TPTE: variants seen among roughly 807,000 people sequenced by gnomAD.
The protein encoded by TPTE is transmembrane phosphatase with tensin homology.
TPTE carries 59 observed loss-of-function variants against 84.1 expected under a neutral mutation model. The ratio of observed to expected loss-of-function variants is 0.70; its 90% CI spans 0.57 to 0.87. The LOEUF (loss-of-function observed/expected upper bound fraction) is 0.87, where lower values mean the gene tolerates loss of function less well. TPTE is among the 40% of genes least tolerant of loss of function. TPTE has a pLI of 0.00. For missense variants in TPTE, 382 were observed against 659.6 expected (o/e 0.58, Z 4.61); for synonymous variants, 130 against 223.5 (o/e 0.58, Z 3.73).
At chr21:10,561,936 C>T (rs543531552) in intron 10 of TPTE, among the ~76,000 whole-genome samples, 8 of 152,430 alleles carry the variant, frequency 5.2e-5, no homozygotes, top group South Asian at 2.1e-4. Context: ...GGCAAGACCC[C>T]GTGCTGTGCT....
intron 17 of TPTE, among the ~76,000 whole-genome samples, chr21:10,586,022 AC>A (rs2075357502): frequency 6.6e-6 from 1 of 152,414 alleles, no homozygotes; most frequent in South Asian, 2.1e-4. Flanking sequence ...TTTTAAAAGA[AC>A]CAAGTTTTTG....
intron 8 of TPTE, among the ~76,000 whole-genome samples, chr21:10,556,438 A>G (rs1221315589): frequency 1.1e-4 from 17 of 152,300 alleles, no homozygotes; most frequent in Admixed American, 2.0e-4. Flanking sequence ...CATCCAGTCT[A>G]TCATTGTTGG....
At chr21:10,570,424 T>C (rs1201405667) in intron 13 of TPTE, 61 bp from the exon 14 acceptor site, 2 of 1,611,404 alleles carry the variant, frequency 1.2e-6, no homozygotes, top group East Asian at 4.5e-5. Flanking sequence ...TAAATTAATT[T>C]TTTTGTATGT....
chr21:10,553,187 C>T (rs1440163354), intron 8 of TPTE, among the ~76,000 whole-genome samples: 1 of 152,306 alleles, frequency 6.6e-6, no homozygotes, highest in Non-Finnish European at 1.5e-5. Context: ...TTTCTAATCT[C>T]ACTAGAGTAC....
intron 11 of TPTE, among the ~76,000 whole-genome samples, chr21:10,568,567 C>A (rs1372736662): frequency 6.6e-6 from 1 of 152,306 alleles, no homozygotes; most frequent in Non-Finnish European, 1.5e-5. Context: ...TAGCTGATTT[C>A]TTTTTGTACC....
intron 21 of TPTE, among the ~76,000 whole-genome samples, chr21:10,600,402 G>A (rs1600989320): frequency 6.6e-6 from 1 of 152,426 alleles, no homozygotes; most frequent in East Asian, 1.9e-4. Context: ...ACCTACCAAA[G>A]TGCTAGGATT....
chr21:10,561,606 C>A (rs1271094268), intron 10 of TPTE, among the ~76,000 whole-genome samples: 1 of 152,312 alleles, frequency 6.6e-6, no homozygotes, highest in Non-Finnish European at 1.5e-5. Context: ...AGTACCCCCC[C>A]CATGTCCTGT....
chr21:10,603,587 G>T lies in TPTE; in HGVS notation c.1475G>T (p.Cys492Phe), dbSNP rs771832897. The T allele has an allele frequency of 6.2e-7, 1 of 1,612,370 alleles. No homozygotes were observed. Among genetic ancestry groups the T allele is most frequent in the Admixed American group, 1.7e-5 (1 of 59,970 alleles). Residue 492 changes from cysteine (C) to phenylalanine (F), a missense_variant, in exon 23 of 24, where the codon TGC (cysteine) becomes TTC (phenylalanine). By Grantham distance (205) the Cys-to-Phe change is radical. Around this residue, in one of 10 missense-constraint regions of TPTE, gnomAD observed 120 missense variants for 79.1 expected, o/e 1.52. Coordinates refer to ENST00000618007, the MANE Select transcript of TPTE (RefSeq NM_199261.4). ...AATCTTCCTACATACTATGACAATTGCTCATTTTACTTCTGGTTGCACACA... is the reference window on the plus strand; with the variant it reads ...AATCTTCCTACATACTATGACAATTTCTCATTTTACTTCTGGTTGCACACA... ...YSNLPTYYDN[C>F]SFYFWLHTSF...
intron 10 of TPTE, 72 bp downstream of exon 10, chr21:10,561,263 G>A: frequency 2.5e-6 from 4 of 1,583,024 alleles, no homozygotes; most frequent in Admixed American, 1.7e-5. Flanking sequence ...GGAGGCTGAG[G>A]TGGGAGGATC....
chr21:10,568,034 AAAG>A (rs1327895105), intron 11 of TPTE, among the ~76,000 whole-genome samples: 12 of 152,400 alleles, frequency 7.9e-5, no homozygotes, highest in Non-Finnish European at 2.9e-5. Context: ...GCAGTACCCC[AAAG>A]AAGGACTTTT....
intron 14 of TPTE, among the ~76,000 whole-genome samples, chr21:10,574,026 GT>G (rs2075099929): frequency 6.6e-6 from 1 of 151,768 alleles, no homozygotes; most frequent in African/African-American, 2.4e-5. Flanking sequence ...AATTGTGGCC[GT>G]TTTTGATAGT....
At chr21:10,560,702 C>G (rs2074781815) in intron 9 of TPTE, among the ~76,000 whole-genome samples, 1 of 152,306 alleles carries the variant, frequency 6.6e-6, no homozygotes, top group Non-Finnish European at 1.5e-5. Context: ...ATGAAATTCG[C>G]AAATTTTAAG....
chr21:10,598,084 G>T lies in TPTE; in HGVS notation c.1346G>T (p.Gly449Val), dbSNP rs749783984. 6.2e-7 allele frequency: 1 copy of T among 1,613,610 alleles called. No homozygotes were observed. Among genetic ancestry groups the T allele is most frequent in the African/African-American group, 1.3e-5 (1 of 74,952 alleles). Reference protein sequence around the residue: ...KKVVFSTISLGKCSVLDNITT... With the variant: ...KKVVFSTISLVKCSVLDNITT... ...GTTGTCTTTTCCACTATTTCATTAG[G>T]AAAATGTTCGGTAAGAGAAAACATG... The change falls in exon 21 of 24, where the codon GGA (glycine) becomes GTA (valine). Residue 449 changes from glycine to valine, a missense_variant. Coordinates refer to ENST00000618007, the MANE Select transcript of TPTE (RefSeq NM_199261.4).
chr21:10,550,268 C>A (rs2074548250), intron 7 of TPTE, among the ~76,000 whole-genome samples: 2 of 152,298 alleles, frequency 1.3e-5, no homozygotes, highest in South Asian at 4.1e-4. Context: ...AGATTAAATA[C>A]CCCATGAAGG....
chr21:10,554,401 A>G (rs1440529449), intron 8 of TPTE, among the ~76,000 whole-genome samples: 5 of 152,306 alleles, frequency 3.3e-5, no homozygotes. Flanking sequence ...TGATATTGAT[A>G]TGTGCTTTAA....
intron 3 of TPTE, among the ~76,000 whole-genome samples, chr21:10,529,955 TATC>T (rs2074148172): frequency 6.6e-6 from 1 of 152,312 alleles, no homozygotes; most frequent in Admixed American, 6.5e-5. Context: ...GTTTAATAAG[TATC>T]ATTCTATTAT....
intron 8 of TPTE, among the ~76,000 whole-genome samples, chr21:10,557,101 C>G (rs576854397): frequency 6.6e-6 from 1 of 152,302 alleles, no homozygotes; most frequent in Non-Finnish European, 1.5e-5. Flanking sequence ...TGTTCACCTG[C>G]TACATTTTTG....
rs1161409735 is a variant in TPTE, at chr21:10,543,387, G to A, written c.173+5G>A. On this transcript the variant is annotated splice_donor_5th_base_variant and intron_variant, in intron 7 of 23. Coordinates refer to ENST00000618007, the MANE Select transcript of TPTE (RefSeq NM_199261.4). ...GGTGTCACCTATCAGTGAAAGGTGA[G>A]TTATAAATACATGAAGACACACGTA... 3.7e-6 allele frequency: 6 copies of A among 1,614,084 alleles called. No individual in the cohort carries two copies. In the Admixed American group the frequency reaches 8.3e-5, roughly 22 times the overall value.
chr21:10,526,001 A>C (rs2074071673), intron 2 of TPTE, among the ~76,000 whole-genome samples: 1 of 152,258 alleles, frequency 6.6e-6, no homozygotes, highest in African/African-American at 2.4e-5. Flanking sequence ...TCATTTAATA[A>C]GGCTGCTTAT....
Sources: allele counts gnomAD v4.1 joint callset (sites outside exome capture counted in the v4.1 genomes callset), GRCh38; gene constraint gnomAD v4.1.1; regional missense constraint gnomAD v4.1.1; transcripts MANE v1.5; gene names NCBI Gene and HGNC (gene_info 2026-07-23, HGNC 2026-07-21).